SLC25A19: variants seen among roughly 807,000 people sequenced by gnomAD.
SLC25A19 encodes the protein solute carrier family 25 member 19.
SLC25A19 carries 18 observed loss-of-function variants against 27.9 expected under a neutral mutation model. That is an observed-to-expected ratio of 0.64 (90% CI 0.45 to 0.96). The LOEUF is 0.96. Ranked by LOEUF, SLC25A19 falls within the 40% of genes least tolerant of loss-of-function variation. SLC25A19 has a pLI of 0.00. For synonymous variants in SLC25A19, 169 were observed against 167.1 expected, an observed-to-expected ratio of 1.01 and a Z score of -0.09; for missense variants, 371 against 418.3, an observed-to-expected ratio of 0.89 and a Z score of 0.99.
chr17:75,284,497 C>G (rs1326186338), intron 4 of SLC25A19, among the ~76,000 whole-genome samples: 1 of 152,166 alleles, frequency 6.6e-6, no homozygotes, highest in Non-Finnish European at 1.5e-5. Context: ...CGGCCATGCT[C>G]TGATTCCTGC....
chr17:75,277,859 A>G (rs931840407), intron 6 of SLC25A19, among the ~76,000 whole-genome samples: 6 of 151,420 alleles, frequency 4.0e-5, no homozygotes, highest in Non-Finnish European at 5.9e-5. Context: ...CAACTGAAGA[A>G]CCTCAACCAA....
chr17:75,278,541 G>A (rs948634756), intron 5 of SLC25A19, among the ~76,000 whole-genome samples: 4 of 152,140 alleles, frequency 2.6e-5, no homozygotes, highest in African/African-American at 4.8e-5. Context: ...GTATACCACT[G>A]TTATATCCAC....
intron 4 of SLC25A19, among the ~76,000 whole-genome samples, chr17:75,285,311 G>A (rs1463496954): frequency 6.6e-6 from 1 of 152,130 alleles, no homozygotes; most frequent in African/African-American, 2.4e-5. Flanking sequence ...GTCTGGCTGT[G>A]TTGCCCAGGC....
intron 5 of SLC25A19, among the ~76,000 whole-genome samples, chr17:75,280,960 A>G (rs557815180): frequency 6.7e-6 from 1 of 149,490 alleles, no homozygotes; most frequent in East Asian, 2.0e-4. Context: ...AAAAAAAAAA[A>G]AAAAAACCAG....
chr17:75,273,235 G>A lies in SLC25A19; in HGVS notation c.*216C>T. On this transcript the variant is annotated 3_prime_UTR_variant, in exon 8 of 8. Coordinates refer to ENST00000416858, the MANE Select transcript of SLC25A19 (RefSeq NM_001126121.2). ...TCCTGCTCCTTCTCACTGTGTCGTT[G>A]GCTCACCATAGACCACGTCCTGCAT... 1.7e-6 allele frequency: 1 copy of A among 585,042 alleles called. No homozygotes were observed. The highest frequency in any genetic ancestry group is 3.0e-6 in the Non-Finnish European group (1 of 328,550). The allele number at this position is 585,042 out of a possible 1,614,324, so 36.2% of individuals were successfully genotyped here.
Position 75,275,038 on chromosome 17 carries a change from G to C in SLC25A19, c.775-1399C>G, listed in dbSNP as rs563073094. On this transcript the variant is annotated intron_variant, in intron 7 of 7. Coordinates refer to ENST00000416858, the MANE Select transcript of SLC25A19 (RefSeq NM_001126121.2). ...GAGTCTCACTCTGTCGCCCAAGATG[G>C]TGTGCAGTAGTGTGATCATAGCTCA... 7.1e-5 allele frequency among the ~76,000 whole-genome samples: 9 copies of C among 126,356 alleles called. No homozygotes were observed. In the East Asian group the frequency reaches 2.2e-3, roughly 31 times the overall value. The allele number at this position is 126,356 out of a possible 152,430, so 82.9% of individuals were successfully genotyped here.
intron 2 of SLC25A19, 74 bp from the exon 3 acceptor site, chr17:75,286,876 G>A: frequency 7.1e-7 from 1 of 1,417,074 alleles, no homozygotes; most frequent in Non-Finnish European, 9.8e-7. Flanking sequence ...CCTCCTCAGA[G>A]CAGCCCTCCC....
At chr17:75,277,253 GGGGTGATGTTGCCCAAT>G in intron 7 of SLC25A19, 83 bp downstream of exon 7, 3 of 1,501,434 alleles carry the variant, frequency 2.0e-6, no homozygotes, top group Non-Finnish European at 2.7e-6. Context: ...GCCATGGCCA[GGGGTGATGTTGCCCAAT>G]GGGTAGGAGG....
chr17:75,273,639 C>A lies in SLC25A19; in HGVS notation c.775G>T (p.Val259Leu), dbSNP rs1242417765. The change falls in exon 8 of 8, where the codon GTA (valine) becomes TTA (leucine). Residue 259 changes from valine (V) to leucine (L), a missense_variant and splice_region_variant. By Grantham distance (32) the Val-to-Leu change is conservative. Transcript: ENST00000416858. ...TCCATGAGGCCCTTGTATCTCCGTA[C>A]CTGGGGAGAGGAAAGGGATGAAAAT... ...FEHARAAFGQ[V>L]RRYKGLMDCA... 1 of 1,612,248 alleles carries A rather than the reference C, an allele frequency of 6.2e-7. No individual in the cohort carries two copies. The highest frequency in any genetic ancestry group is 8.5e-7 in the Non-Finnish European group (1 of 1,179,792).
intron 4 of SLC25A19, 86 bp downstream of exon 4, chr17:75,286,218 C>A: frequency 6.5e-7 from 1 of 1,538,950 alleles, no homozygotes; most frequent in Non-Finnish European, 8.9e-7. Context: ...CTGCCCTGCG[C>A]GGCATTCCTG....
At chr17:75,282,366 A>T (rs2078059555) in intron 5 of SLC25A19, among the ~76,000 whole-genome samples, 1 of 151,562 alleles carries the variant, frequency 6.6e-6, no homozygotes. Flanking sequence ...GCCTGCTAAC[A>T]TGGCGAAACT....
intron 7 of SLC25A19, among the ~76,000 whole-genome samples, chr17:75,276,849 GTTT>G (rs377387748): frequency 7.5e-6 from 1 of 134,086 alleles, no homozygotes; most frequent in Non-Finnish European, 1.6e-5. Flanking sequence ...TAATTTTTTT[GTTT>G]TTTTTTTTTT....
intron 7 of SLC25A19, 30 bp downstream of exon 7, chr17:75,277,323 G>A: frequency 6.2e-7 from 1 of 1,610,894 alleles, no homozygotes; most frequent in East Asian, 2.2e-5. Flanking sequence ...GCAAGGGTCA[G>A]AGCTGTCTGC....
intron 7 of SLC25A19, among the ~76,000 whole-genome samples, chr17:75,274,437 A>G (rs973679797): frequency 1.3e-5 from 2 of 152,212 alleles, no homozygotes; most frequent in Non-Finnish European, 2.9e-5. Context: ...CCTAGTGACG[A>G]CATCATGAGA....
At chr17:75,283,026 G>A (rs987556319) in intron 5 of SLC25A19, among the ~76,000 whole-genome samples, 6 of 146,802 alleles carry the variant, frequency 4.1e-5, no homozygotes, top group South Asian at 2.2e-4. Flanking sequence ...TAGGCCGGGC[G>A]CAGTGGCTCA....
intron 5 of SLC25A19, among the ~76,000 whole-genome samples, chr17:75,283,134 C>G (rs911796826): frequency 4.0e-5 from 6 of 151,118 alleles, no homozygotes; most frequent in Non-Finnish European, 5.9e-5. Context: ...CCCGTCTCTA[C>G]TAAAAATACA....
intron 7 of SLC25A19, 144 bp from the exon 8 acceptor site, chr17:75,273,783 CAG>C: frequency 2.8e-6 from 2 of 722,150 alleles, no homozygotes. Flanking sequence ...TTCGTTGAGG[CAG>C]AGTCTCACTC....
intron 2 of SLC25A19, among the ~76,000 whole-genome samples, chr17:75,287,916 G>C (rs572524713): frequency 6.6e-6 from 1 of 152,282 alleles, no homozygotes; most frequent in South Asian, 2.1e-4. Flanking sequence ...GGCCGAGGCG[G>C]GTGGATCGCC....
chr17:75,280,387 A>G (rs1364087833), intron 5 of SLC25A19, among the ~76,000 whole-genome samples: 2 of 151,970 alleles, frequency 1.3e-5, no homozygotes, highest in Admixed American at 1.3e-4. Flanking sequence ...AAAGAAAAAA[A>G]GCCCAGGCAT....
Sources: gnomAD v4.1 joint callset for allele counts (sites outside exome capture counted in the v4.1 genomes callset) on GRCh38, gnomAD v4.1.1 for gene constraint, MANE v1.5 for transcripts, NCBI Gene and HGNC (gene_info 2026-07-23, HGNC 2026-07-21) for gene names.